Variants in ZDHHC13 observed in about 807,000 individuals in gnomAD.
The protein encoded by ZDHHC13 is palmitoyltransferase ZDHHC13.
Under a neutral mutation model 86.0 loss-of-function variants are expected in ZDHHC13, and 85 were observed. The observed-to-expected ratio is 0.99, with a 90% CI of 0.83 to 1.18. ZDHHC13 has a LOEUF of 1.18. ZDHHC13 is among the 50% of genes most tolerant of loss of function. The pLI is 0.00. For missense variants in ZDHHC13, 711 were observed against 730.2 expected (o/e 0.97, Z 0.30); for synonymous variants, 263 against 246.4 (o/e 1.07, Z -0.63).
At chr11:19,120,604 T>G (rs1468528686) in intron 1 of ZDHHC13, among the ~76,000 whole-genome samples, 1 of 152,178 alleles carries the variant, frequency 6.6e-6, no homozygotes, top group Non-Finnish European at 1.5e-5. Context: ...AGCAAATAAT[T>G]TTGAGGCTAT....
intron 9 of ZDHHC13, among the ~76,000 whole-genome samples, chr11:19,158,650 A>T (rs777311451): frequency 4.6e-5 from 7 of 152,206 alleles, no homozygotes; most frequent in Non-Finnish European, 8.8e-5. Context: ...ATCCATTGAA[A>T]ACATATATTA....
At chr11:19,163,775 G>T (rs1431362534) in intron 11 of ZDHHC13, among the ~76,000 whole-genome samples, 1 of 152,106 alleles carries the variant, frequency 6.6e-6, no homozygotes, top group East Asian at 1.9e-4. Context: ...ACCAGGGAGA[G>T]TCCTTCTGCT....
intron 8 of ZDHHC13, among the ~76,000 whole-genome samples, chr11:19,155,187 T>C (rs991696907): frequency 6.6e-6 from 1 of 152,222 alleles, no homozygotes; most frequent in African/African-American, 2.4e-5. Flanking sequence ...CAATATAGAA[T>C]ACTGTTTGCA....
chr11:19,149,395 A>G, intron 5 of ZDHHC13, 64 bp downstream of exon 5: 1 of 1,379,924 alleles, frequency 7.2e-7, no homozygotes. Context: ...GGAAATTATT[A>G]GTAGTAGTCT....
Position 19,164,374 on chromosome 11 carries a change from T to C in ZDHHC13, c.1296+11T>C. ...TGTACATCATGTCTTGTGAGTTTTT[T>C]CATATAATTTTTTTCCGTAGTGAAA... On this transcript the variant is annotated intron_variant, in intron 12 of 16. Coordinates refer to ENST00000446113, the MANE Select transcript of ZDHHC13 (RefSeq NM_019028.3). 6.2e-7 allele frequency: 1 copy of C among 1,611,604 alleles called. No individual in the cohort carries two copies. Among genetic ancestry groups the C allele is most frequent in the African/African-American group, 1.3e-5 (1 of 74,986 alleles).
intron 1 of ZDHHC13, among the ~76,000 whole-genome samples, chr11:19,133,816 C>G (rs187203064): frequency 6.6e-6 from 1 of 150,768 alleles, no homozygotes; most frequent in East Asian, 1.9e-4. Context: ...AGCATGTGTC[C>G]GGGCAGTCTT....
chr11:19,168,829 GT>G, intron 14 of ZDHHC13: 13 of 985,426 alleles, frequency 1.3e-5, no homozygotes, highest in Non-Finnish European at 1.4e-5. Context: ...TGTAAGGTCT[GT>G]TTACAAGGTG....
At chr11:19,136,098 G>A (rs1346250039) in intron 1 of ZDHHC13, among the ~76,000 whole-genome samples, 1 of 152,212 alleles carries the variant, frequency 6.6e-6, no homozygotes, top group African/African-American at 2.4e-5. Context: ...GCTGAGAGAA[G>A]AAGGCTTCAG....
At chr11:19,140,706 C>T (rs953866332) in intron 1 of ZDHHC13, among the ~76,000 whole-genome samples, 1 of 152,156 alleles carries the variant, frequency 6.6e-6, no homozygotes, top group Non-Finnish European at 1.5e-5. Flanking sequence ...GAAAATGTGG[C>T]ACATATACAC....
rs753509437 is a variant in ZDHHC13 at position 19,164,360 on chromosome 11, T to A, written c.1293T>A (p.Cys431Ter). 4.3e-6 allele frequency: 7 copies of A among 1,612,800 alleles called. No individual in the cohort carries two copies. The highest frequency in any genetic ancestry group is 5.9e-6 in the Non-Finnish European group (7 of 1,179,320). The part of the protein sequence containing the change: ...SLDFRTFCTS[C>*]LIRKPLRSLH... ...ACTTCAGAACATTTTGTACATCATG[T>A]CTTGTGAGTTTTTTCATATAATTTT... The change falls in exon 12 of 17, where the codon TGT (cysteine) becomes TGA (stop). Residue 431 changes from cysteine to a stop codon, truncating the protein, a stop_gained. Transcript: ENST00000446113. LOFTEE classifies it high-confidence loss of function.
intron 1 of ZDHHC13, among the ~76,000 whole-genome samples, chr11:19,119,346 C>T (rs1387842155): frequency 6.6e-6 from 1 of 152,136 alleles, no homozygotes; most frequent in Non-Finnish European, 1.5e-5. Flanking sequence ...ACCTTGTGAT[C>T]CGCCCGCCTC....
intron 10 of ZDHHC13, among the ~76,000 whole-genome samples, chr11:19,159,386 A>G (rs1296704161): frequency 6.6e-6 from 1 of 152,208 alleles, no homozygotes; most frequent in Non-Finnish European, 1.5e-5. Context: ...GTTAATTAAT[A>G]CATTTTCTGA....
At chr11:19,132,114 C>T (rs538436931) in intron 1 of ZDHHC13, among the ~76,000 whole-genome samples, 45 of 152,242 alleles carry the variant, frequency 3.0e-4, no homozygotes, top group Admixed American at 7.2e-4. Context: ...ATTTTTCTTG[C>T]TTCTTGGCAT....
At chr11:19,161,206 A>G (rs1405381574) in intron 10 of ZDHHC13, among the ~76,000 whole-genome samples, 4 of 152,000 alleles carry the variant, frequency 2.6e-5, no homozygotes, top group Admixed American at 2.6e-4. Flanking sequence ...ATACTGGCCT[A>G]TTAGGGGAAG....
chr11:19,152,953 T>C (rs1849653774), intron 8 of ZDHHC13, among the ~76,000 whole-genome samples: 1 of 152,198 alleles, frequency 6.6e-6, no homozygotes, highest in South Asian at 2.1e-4. Context: ...AATGAATGTA[T>C]TGAAATGCAA....
At chr11:19,129,614 A>G (rs1391993665) in intron 1 of ZDHHC13, among the ~76,000 whole-genome samples, 3 of 151,982 alleles carry the variant, frequency 2.0e-5, no homozygotes, top group African/African-American at 7.3e-5. Context: ...GGTGGGTTAC[A>G]TTGATTTATT....
intron 3 of ZDHHC13, 74 bp downstream of exon 3, chr11:19,146,377 T>A: frequency 4.6e-6 from 7 of 1,527,952 alleles, no homozygotes; most frequent in Non-Finnish European, 6.2e-6. Context: ...TTTCTTTAAG[T>A]ATGGGTATTG....
chr11:19,130,379 T>C (rs1848969651), intron 1 of ZDHHC13, among the ~76,000 whole-genome samples: 1 of 152,192 alleles, frequency 6.6e-6, no homozygotes, highest in South Asian at 2.1e-4. Flanking sequence ...CTTTCAAAAT[T>C]TGTAGGCTTT....
chr11:19,135,585 C>T (rs1295396716), intron 1 of ZDHHC13, among the ~76,000 whole-genome samples: 5 of 152,236 alleles, frequency 3.3e-5, no homozygotes, highest in Non-Finnish European at 7.3e-5. Flanking sequence ...CTCAAGGAGG[C>T]CTGCCTGCCT....
Sources: allele counts gnomAD v4.1 joint callset (sites outside exome capture counted in the v4.1 genomes callset), GRCh38; gene constraint gnomAD v4.1.1; transcripts MANE v1.5; gene names NCBI Gene and HGNC (gene_info 2026-07-23, HGNC 2026-07-21).